CPVL: variants seen among roughly 807,000 people sequenced by gnomAD.
CPVL encodes the protein carboxypeptidase vitellogenic like, also known as probable serine carboxypeptidase CPVL.
In CPVL, 51 loss-of-function variants were observed where a neutral mutation model predicts 63.7. The ratio of observed to expected loss-of-function variants is 0.80; its 90% CI spans 0.64 to 1.01. The LOEUF (loss-of-function observed/expected upper bound fraction) is 1.01, where lower values mean the gene tolerates loss of function less well. Among genes scored for constraint, CPVL ranks in the 50% least tolerant of loss-of-function variants. The probability of loss-of-function intolerance (pLI) is 0.00; values close to 1 mark genes in which losing one functional copy is unlikely to be tolerated. For synonymous variants in CPVL, 195 were observed against 206.0 expected, an observed-to-expected ratio of 0.95 and a Z score of 0.46; for missense variants, 530 against 573.1, an observed-to-expected ratio of 0.92 and a Z score of 0.77.
At chr7:29,176,846 C>T (rs1026760647) in intron 5 of CPVL, among the ~76,000 whole-genome samples, 3 of 152,188 alleles carry the variant, frequency 2.0e-5, no homozygotes, top group African/African-American at 7.2e-5. Context: ...CAACCTCTTG[C>T]TCTTTCATCA....
At chr7:29,069,080 A>G (rs1230658833) in intron 9 of CPVL, among the ~76,000 whole-genome samples, 3 of 152,118 alleles carry the variant, frequency 2.0e-5, no homozygotes, top group Admixed American at 2.0e-4. Flanking sequence ...GTTAGAAATT[A>G]TCTTCAACAC....
intron 7 of CPVL, among the ~76,000 whole-genome samples, chr7:29,079,135 CA>C (rs1286058659): frequency 6.6e-6 from 1 of 152,148 alleles, no homozygotes; most frequent in Admixed American, 6.5e-5. Context: ...GCCAGAAAGA[CA>C]GAGACATTCA....
chr7:29,074,638 G>A (rs950395578), intron 7 of CPVL, among the ~76,000 whole-genome samples: 21 of 151,720 alleles, frequency 1.4e-4, no homozygotes, highest in African/African-American at 4.1e-4. Context: ...GGATCATGGG[G>A]GCAGTTTCCC....
At chr7:29,008,514 A>T (rs491261) in intron 12 of CPVL, among the ~76,000 whole-genome samples, 68,866 of 152,042 alleles carry the variant, frequency 0.45, 17,243 homozygotes, top group African/African-American at 0.68. Flanking sequence ...TAGCATCTTA[A>T]AACTTTTAAA....
intron 3 of CPVL, among the ~76,000 whole-genome samples, chr7:29,098,871 T>G (rs1786737344): frequency 6.6e-6 from 1 of 152,138 alleles, no homozygotes; most frequent in South Asian, 2.1e-4. Flanking sequence ...GAGACCAGCC[T>G]GACCAACATG....
At chr7:29,020,254 G>C (rs6977551) in intron 12 of CPVL, among the ~76,000 whole-genome samples, 13,611 of 152,216 alleles carry the variant, frequency 0.089, 1,822 homozygotes, top group African/African-American at 0.29. Context: ...AGGAGATCGT[G>C]TGTGTGCCTG....
intron 12 of CPVL, among the ~76,000 whole-genome samples, chr7:29,020,268 A>G (rs1374109083): frequency 6.6e-6 from 1 of 152,182 alleles, no homozygotes; most frequent in African/African-American, 2.4e-5. Context: ...GTGCCTGGTG[A>G]GATGTTTATC....
intron 11 of CPVL, among the ~76,000 whole-genome samples, chr7:29,057,449 T>C (rs1790853206): frequency 6.6e-6 from 1 of 152,218 alleles, no homozygotes; most frequent in Non-Finnish European, 1.5e-5. Flanking sequence ...CTGTGGCTTA[T>C]CTTCTCATTT....
intron 7 of CPVL, among the ~76,000 whole-genome samples, chr7:29,073,205 C>T (rs1391635806): frequency 1.3e-5 from 2 of 152,176 alleles, no homozygotes; most frequent in Admixed American, 6.5e-5. Flanking sequence ...CATGTTAATT[C>T]TGTTTCTCCC....
At chr7:29,044,424 T>A (rs1789420317) in intron 11 of CPVL, among the ~76,000 whole-genome samples, 2 of 151,992 alleles carry the variant, frequency 1.3e-5, no homozygotes, top group South Asian at 4.2e-4. Context: ...CTCAAAAAAA[T>A]AATAATAAAA....
intron 4 of CPVL, among the ~76,000 whole-genome samples, chr7:29,182,897 A>G (rs1304705752): frequency 1.3e-5 from 2 of 152,114 alleles, no homozygotes; most frequent in Non-Finnish European, 2.9e-5. Context: ...GCTGCCTTTA[A>G]ATGGCTTGAG....
intron 5 of CPVL, among the ~76,000 whole-genome samples, chr7:29,160,748 G>A (rs564748928): frequency 6.6e-6 from 1 of 152,260 alleles, no homozygotes; most frequent in South Asian, 2.1e-4. Context: ...CAGAGAGGAA[G>A]GGCTAAAAGA....
rs1786546847 is a variant in CPVL at position 29,017,632 on chromosome 7, C to G, written c.1320+12945G>C. Among the ~76,000 whole-genome samples, 3 of 152,134 alleles carry G rather than the reference C, an allele frequency of 2.0e-5. No individual in the cohort carries two copies. The South Asian group carries it at 6.2e-4, about 32-fold the overall frequency. On this transcript the variant is annotated intron_variant, in intron 12 of 12. Transcript: ENST00000265394. Reference sequence around the variant, plus strand: ...TGGGCAACACAGCAGGACTCCCTCTCAAAAAACAAAACAAAATGAAACAAA... The same window carrying G: ...TGGGCAACACAGCAGGACTCCCTCTGAAAAAACAAAACAAAATGAAACAAA...
chr7:29,003,659 A>G (rs1784885228), intron 12 of CPVL, among the ~76,000 whole-genome samples: 1 of 152,144 alleles, frequency 6.6e-6, no homozygotes, highest in Admixed American at 6.5e-5. Context: ...AAAGGGTGTA[A>G]AGTGAGTTAA....
At chr7:29,119,653 C>A (rs1789153981) in intron 2 of CPVL, among the ~76,000 whole-genome samples, 1 of 152,122 alleles carries the variant, frequency 6.6e-6, no homozygotes, top group South Asian at 2.1e-4. Context: ...TTATAGAGTA[C>A]AAAAGATTTT....
chr7:29,076,562 A>G (rs181801798), intron 7 of CPVL, among the ~76,000 whole-genome samples: 21 of 152,358 alleles, frequency 1.4e-4, no homozygotes, highest in Admixed American at 3.9e-4. Flanking sequence ...AAACTAGGTT[A>G]GCACTCAACA....
rs916098472 is a variant in CPVL, at chr7:29,195,165, A to C, written c.-536T>G. The C allele has an allele frequency of 9.1e-5, 51 of 561,754 alleles. No homozygotes were observed. In the African/African-American group the frequency reaches 9.7e-4, roughly 11 times the overall value. 34.8% of individuals were successfully genotyped at this position (561,754 alleles called of 1,614,324 possible). A position where few individuals can be genotyped will look rare whatever the true frequency, so the allele number is the denominator to read the frequency against. ...TCGCCAGCACCTCGGTGCCCAGAGC[A>C]CCTCCGCGCCTGACATCTGACAGCG... On this transcript the variant is annotated 5_prime_UTR_variant, in exon 1 of 17. Transcript: ENST00000409850.
chr7:29,163,531 A>G (rs1199809236), intron 5 of CPVL, among the ~76,000 whole-genome samples: 1 of 152,168 alleles, frequency 6.6e-6, no homozygotes, highest in Non-Finnish European at 1.5e-5. Context: ...ATTATTACCT[A>G]AGAGACAATA....
At chr7:29,041,507 T>C (rs1789089647) in intron 11 of CPVL, among the ~76,000 whole-genome samples, 1 of 152,186 alleles carries the variant, frequency 6.6e-6, no homozygotes. Flanking sequence ...CTAAGGGTCA[T>C]CTCCAAAGAC....
Sources: gnomAD v4.1 joint callset for allele counts (sites outside exome capture counted in the v4.1 genomes callset) on GRCh38, gnomAD v4.1.1 for gene constraint, MANE v1.5 for transcripts, NCBI Gene and HGNC (gene_info 2026-07-23, HGNC 2026-07-21) for gene names.